The following PHTF2 variants were observed in gnomAD, a reference collection of about 807,000 sequenced individuals.
PHTF2 encodes the protein protein PHTF2.
In PHTF2, 60 loss-of-function variants were observed where a neutral mutation model predicts 101.2. That is an observed-to-expected ratio of 0.59 (90% CI 0.48 to 0.73). The LOEUF (loss-of-function observed/expected upper bound fraction) is 0.73, where lower values mean the gene tolerates loss of function less well. Among genes scored for constraint, PHTF2 ranks in the 30% least tolerant of loss-of-function variants. The pLI is 0.00. For synonymous variants in PHTF2, 311 were observed against 307.3 expected, an observed-to-expected ratio of 1.01 and a Z score of -0.13; for missense variants, 747 against 908.7, an observed-to-expected ratio of 0.82 and a Z score of 2.29.
At chr7:77,818,551 T>C (rs1378637544) in intron 1 of PHTF2, among the ~76,000 whole-genome samples, 1 of 152,200 alleles carries the variant, frequency 6.6e-6, no homozygotes, top group Admixed American at 6.5e-5. Flanking sequence ...TTGTCAAAAA[T>C]CAGTTAACTG....
chr7:77,843,248 A>C (rs540989669), intron 2 of PHTF2, among the ~76,000 whole-genome samples: 19 of 152,122 alleles, frequency 1.2e-4, no homozygotes, highest in Non-Finnish European at 2.4e-4. Context: ...TCATTTAAAG[A>C]TATGTTATGT....
chr7:77,839,122 G>C (rs1372667323), intron 1 of PHTF2, among the ~76,000 whole-genome samples: 1 of 152,166 alleles, frequency 6.6e-6, no homozygotes, highest in Admixed American at 6.5e-5. Flanking sequence ...TTGCAGATCT[G>C]TATGTGCTAG....
chr7:77,830,445 A>C (rs1378576126), intron 1 of PHTF2, among the ~76,000 whole-genome samples: 1 of 152,218 alleles, frequency 6.6e-6, no homozygotes, highest in Non-Finnish European at 1.5e-5. Flanking sequence ...GCGAAGCTTC[A>C]TCTGTATTTA....
chr7:77,812,824 C>T (rs752998115), intron 1 of PHTF2, among the ~76,000 whole-genome samples: 4 of 152,102 alleles, frequency 2.6e-5, no homozygotes, highest in Non-Finnish European at 4.4e-5. Context: ...CTCCTGACCT[C>T]GTGATTTGCC....
chr7:77,894,017 G>A lies in PHTF2; in HGVS notation c.216+24G>A, dbSNP rs755444795. On this transcript the variant is annotated intron_variant, in intron 5 of 19. Coordinates refer to ENST00000416283, the Ensembl canonical transcript of PHTF2. ...TGGTAAGTGTTTCAGGATTTTTCCC[G>A]CCTGAGTGATCCTGTGCAAATGCTG... 59 of 1,561,366 alleles carry A rather than the reference G, an allele frequency of 3.8e-5. 2 individuals are homozygous for A. The South Asian group carries it at 4.7e-4, about 12-fold the overall frequency.
At chr7:77,825,841 C>G (rs1794661192) in intron 1 of PHTF2, among the ~76,000 whole-genome samples, 1 of 152,036 alleles carries the variant, frequency 6.6e-6, no homozygotes, top group Non-Finnish European at 1.5e-5. Flanking sequence ...GGCAACTCTA[C>G]AAATATAGGA....
chr7:77,911,717 A>G (rs1218916316), intron 9 of PHTF2, among the ~76,000 whole-genome samples: 3 of 152,218 alleles, frequency 2.0e-5, no homozygotes, highest in Non-Finnish European at 4.4e-5. Context: ...CCAGATTTTA[A>G]TAGTTTACAG....
chr7:77,843,220 A>T (rs1039278208), intron 2 of PHTF2, among the ~76,000 whole-genome samples: 1 of 152,048 alleles, frequency 6.6e-6, no homozygotes. Context: ...TGCTTACATT[A>T]TTATGTTTGT....
At chr7:77,899,838 G>A (rs577892335) in intron 5 of PHTF2, among the ~76,000 whole-genome samples, 2 of 152,190 alleles carry the variant, frequency 1.3e-5, no homozygotes, top group South Asian at 2.1e-4. Context: ...GTGTCATCTC[G>A]CAGTAATTGG....
chr7:77,925,872 A>G (rs1305422736), intron 11 of PHTF2, among the ~76,000 whole-genome samples: 1 of 151,738 alleles, frequency 6.6e-6, no homozygotes, highest in Admixed American at 6.6e-5. Context: ...CCTGGCCAAC[A>G]TGGTGAAACC....
At chr7:77,924,197 C>T in intron 11 of PHTF2, 1 of 877,214 alleles carries the variant, frequency 1.1e-6, no homozygotes. Context: ...TTGTAGTGCT[C>T]TTTTGCGTTT....
At chr7:77,904,289 C>T (rs1296916978) in intron 7 of PHTF2, among the ~76,000 whole-genome samples, 3 of 152,168 alleles carry the variant, frequency 2.0e-5, no homozygotes. Context: ...CGTGGGGTAG[C>T]CCTTTTCCCT....
At chr7:77,937,952 A>G (rs960990207) in intron 13 of PHTF2, 114 bp downstream of exon 12, 7 of 429,564 alleles carry the variant, frequency 1.6e-5, no homozygotes, top group African/African-American at 1.2e-4. Context: ...TTCACCCTGA[A>G]AAAAAAGTTA....
intron 1 of PHTF2, among the ~76,000 whole-genome samples, chr7:77,813,917 A>G (rs894831401): frequency 2.6e-5 from 4 of 152,190 alleles, no homozygotes; most frequent in Non-Finnish European, 4.4e-5. Context: ...TGATCTGGAC[A>G]TGTTGATAAT....
At chr7:77,860,450 T>C (rs578006454) in intron 3 of PHTF2, among the ~76,000 whole-genome samples, 1 of 152,326 alleles carries the variant, frequency 6.6e-6, no homozygotes, top group East Asian at 1.9e-4. Context: ...CTAGGTTAGC[T>C]GGTTTTATTT....
chr7:77,801,147 G>C (rs946930326), intron 1 of PHTF2, among the ~76,000 whole-genome samples: 3 of 152,222 alleles, frequency 2.0e-5, no homozygotes, highest in Admixed American at 1.3e-4. Flanking sequence ...GCATTCATTT[G>C]ATGGGAGAAA....
At chr7:77,926,135 A>T (rs1803979283) in intron 11 of PHTF2, among the ~76,000 whole-genome samples, 1 of 152,202 alleles carries the variant, frequency 6.6e-6, no homozygotes, top group African/African-American at 2.4e-5. Flanking sequence ...ATATTTTCTT[A>T]ATCCTGAAAT....
In PHTF2 at chr7:77,890,599, C is replaced by CTTTTTTTTT. The variant is rs747882978; in HGVS notation, c.148-2993_148-2985dup. Among the ~76,000 whole-genome samples, 13 of 84,208 alleles carry CTTTTTTTTT rather than the reference C, an allele frequency of 1.5e-4. 2 individuals carry two copies. Among genetic ancestry groups the CTTTTTTTTT allele is most frequent in the African/African-American group, 2.9e-4 (6 of 20,442 alleles). The allele number at this position is 84,208 out of a possible 152,430, so 55.2% of individuals were successfully genotyped here. On this transcript the variant is annotated intron_variant, in intron 3 of 19. Coordinates refer to ENST00000416283, the Ensembl canonical transcript of PHTF2. The stretch of plus-strand genomic sequence containing the variant: ...TATGTGGTGCATTGAAATAGTTACA[C>CTTTTTTTTT]TTTTTTTTTTTTTTTTTTTTTTTTG...
chr7:77,844,341 T>A (rs1796109939), intron 2 of PHTF2, among the ~76,000 whole-genome samples: 1 of 152,188 alleles, frequency 6.6e-6, no homozygotes, highest in South Asian at 2.1e-4. Flanking sequence ...TTGTGACGTT[T>A]TTATATTTAT....
Sources: gnomAD v4.1 joint callset for allele counts (sites outside exome capture counted in the v4.1 genomes callset) on GRCh38, gnomAD v4.1.1 for gene constraint, MANE v1.5 for transcripts, NCBI Gene and HGNC (gene_info 2026-07-23, HGNC 2026-07-21) for gene names.